GRIN2B: variants seen among roughly 807,000 people sequenced by gnomAD.
GRIN2B encodes glutamate ionotropic receptor NMDA type subunit 2B.
Under a neutral mutation model 114.5 loss-of-function variants are expected in GRIN2B, and 5 were observed. The ratio of observed to expected loss-of-function variants is 0.04; its 90% CI spans 0.02 to 0.09. The LOEUF is 0.09. Ranked by LOEUF, GRIN2B falls within the 10% of genes least tolerant of loss-of-function variation. The pLI is 1.00. For missense variants in GRIN2B, 1,108 were observed against 1,943.5 expected, an observed-to-expected ratio of 0.57 and a Z score of 8.08; for synonymous variants, 787 against 745.1, an observed-to-expected ratio of 1.06 and a Z score of -0.92.
At chr12:13,794,200 T>A (rs1591734968) in intron 3 of GRIN2B, among the ~76,000 whole-genome samples, 1 of 113,238 alleles carries the variant, frequency 8.8e-6, no homozygotes, top group African/African-American at 3.6e-5. Context: ...AGTGTGAGAC[T>A]CTGTCTCAAA....
chr12:13,575,522 G>A (rs1948763033), intron 10 of GRIN2B, among the ~76,000 whole-genome samples: 1 of 151,972 alleles, frequency 6.6e-6, no homozygotes, highest in South Asian at 2.1e-4. Context: ...AGCCGTGCGT[G>A]GTGGCATGCG....
chr12:13,745,423 G>A (rs1376073828), intron 4 of GRIN2B, among the ~76,000 whole-genome samples: 1 of 152,154 alleles, frequency 6.6e-6, no homozygotes, highest in African/African-American at 2.4e-5. Flanking sequence ...AGAGCCTTGG[G>A]GACGCTGGCA....
chr12:13,597,916 G>A (rs1450107759), intron 10 of GRIN2B, among the ~76,000 whole-genome samples: 3 of 152,156 alleles, frequency 2.0e-5, no homozygotes, highest in African/African-American at 7.2e-5. Flanking sequence ...AAATAGGCAG[G>A]TTTGGCCCCA....
At chr12:13,840,817 T>C (rs910166128) in intron 3 of GRIN2B, among the ~76,000 whole-genome samples, 4 of 146,054 alleles carry the variant, frequency 2.7e-5, no homozygotes, top group South Asian at 4.1e-4. Context: ...GTGGTGATGG[T>C]GGTGGTGTTC....
At chr12:13,759,616 C>T (rs770213402) in intron 3 of GRIN2B, among the ~76,000 whole-genome samples, 7 of 152,166 alleles carry the variant, frequency 4.6e-5, no homozygotes, top group East Asian at 1.9e-4. Flanking sequence ...ATATTGACAA[C>T]GCCAATGTCC....
intron 4 of GRIN2B, among the ~76,000 whole-genome samples, chr12:13,737,820 T>A (rs1045669907): frequency 9.2e-5 from 14 of 152,256 alleles, no homozygotes; most frequent in African/African-American, 3.1e-4. Context: ...AATAAGCATT[T>A]CTTTCTCCTC....
intron 2 of GRIN2B, among the ~76,000 whole-genome samples, chr12:13,897,279 C>A (rs1473250037): frequency 6.6e-6 from 1 of 152,168 alleles, no homozygotes; most frequent in Admixed American, 6.5e-5. Flanking sequence ...AGCCCCACTG[C>A]AGCACCTGTC....
At chr12:13,892,925 T>C (rs560210218) in intron 2 of GRIN2B, among the ~76,000 whole-genome samples, 1 of 152,304 alleles carries the variant, frequency 6.6e-6, no homozygotes, top group South Asian at 2.1e-4. Context: ...GAACATTCTC[T>C]TTCATGGAAC....
rs1555102646 is a variant in GRIN2B at position 13,564,625 on chromosome 12, G to A, written c.2613C>T (p.Cys871=). ...GCTCCTCGATCGCCACCCCATGGAT[G>A]CAGCTGTAGATACCCTGAAGCAAGA... ...VFSISRGIYS[C]IHGVAIEERQ... Residue 871 remains cysteine, a synonymous_variant, in exon 14 of 14, where the codon TGC becomes TGT. Coordinates refer to ENST00000609686, the MANE Select transcript of GRIN2B (RefSeq NM_000834.5). The surrounding 1 kb of genome is among the most constrained non-coding windows in gnomAD (Gnocchi z 4.8). 2 of 1,613,820 alleles carry A rather than the reference G, an allele frequency of 1.2e-6. No individual in the cohort carries two copies. Among genetic ancestry groups the A allele is most frequent in the African/African-American group, 2.7e-5 (2 of 75,050 alleles).
chr12:13,946,049 G>C (rs1462132218), intron 2 of GRIN2B, among the ~76,000 whole-genome samples: 1 of 152,170 alleles, frequency 6.6e-6, no homozygotes. Flanking sequence ...GAGATAATGA[G>C]TGAAAATATT....
At chr12:13,789,537 T>C (rs975829289) in intron 3 of GRIN2B, among the ~76,000 whole-genome samples, 3 of 152,140 alleles carry the variant, frequency 2.0e-5, no homozygotes, top group African/African-American at 7.2e-5. Flanking sequence ...CAGTCCAAGA[T>C]CAGTTTTTTT....
intron 2 of GRIN2B, among the ~76,000 whole-genome samples, chr12:13,952,179 A>G (rs1867495610): frequency 1.3e-5 from 2 of 152,164 alleles, no homozygotes; most frequent in African/African-American, 2.4e-5. Flanking sequence ...AGGTGCCCAC[A>G]CGGAATGTGT....
intron 4 of GRIN2B, among the ~76,000 whole-genome samples, chr12:13,750,419 A>G (rs1287964370): frequency 6.6e-6 from 1 of 152,190 alleles, no homozygotes; most frequent in Non-Finnish European, 1.5e-5. Flanking sequence ...AAATAATAAT[A>G]TCTGCAGATC....
In GRIN2B at chr12:13,922,155, G is replaced by A. The variant is rs1034426393; in HGVS notation, c.-18-55929C>T. Among the ~76,000 whole-genome samples, 9 of 152,132 alleles carry A rather than the reference G, an allele frequency of 5.9e-5. 1 individual carries two copies. Among genetic ancestry groups the A allele is most frequent in the African/African-American group, 1.9e-4 (8 of 41,412 alleles). On this transcript the variant is annotated intron_variant, in intron 2 of 13. Coordinates refer to ENST00000609686, the MANE Select transcript of GRIN2B (RefSeq NM_000834.5). Reference sequence around the variant, plus strand: ...CATTATCAATTTTTACTGGATTTGAGTAGTGTAAAATATGCTTAGGTTAAA... The same window carrying A: ...CATTATCAATTTTTACTGGATTTGAATAGTGTAAAATATGCTTAGGTTAAA...
At chr12:13,770,954 A>G (rs181043780) in intron 3 of GRIN2B, among the ~76,000 whole-genome samples, 185 of 152,244 alleles carry the variant, frequency 1.2e-3, no homozygotes, top group African/African-American at 4.3e-3. Flanking sequence ...GATTTCGACA[A>G]CTGGTTTCTG....
At chr12:13,682,968 C>G (rs1051238588) in intron 4 of GRIN2B, among the ~76,000 whole-genome samples, 10 of 152,132 alleles carry the variant, frequency 6.6e-5, no homozygotes, top group Non-Finnish European at 1.2e-4. Context: ...AGAACATTAA[C>G]CTCCCTCCAG....
intron 5 of GRIN2B, among the ~76,000 whole-genome samples, chr12:13,622,768 C>G (rs1346074646): frequency 6.6e-6 from 1 of 152,144 alleles, no homozygotes; most frequent in African/African-American, 2.4e-5. Flanking sequence ...GCCAAGCTCA[C>G]TTTTATAACA....
At chr12:13,724,491 G>T (rs149028268) in intron 4 of GRIN2B, among the ~76,000 whole-genome samples, 272 of 152,196 alleles carry the variant, frequency 1.8e-3, no homozygotes, top group African/African-American at 6.4e-3. Context: ...ATACTCCTGG[G>T]TTGATGGCCT....
chr12:13,925,650 G>A (rs1179544969), intron 2 of GRIN2B, among the ~76,000 whole-genome samples: 3 of 151,806 alleles, frequency 2.0e-5, no homozygotes, highest in Admixed American at 2.0e-4. Context: ...GAAACACCCC[G>A]CACTTCCCTA....
Sources: allele counts gnomAD v4.1 joint callset (sites outside exome capture counted in the v4.1 genomes callset), GRCh38; gene constraint gnomAD v4.1.1; non-coding constraint Gnocchi (gnomAD v3.1); transcripts MANE v1.5; gene names NCBI Gene and HGNC (gene_info 2026-07-23, HGNC 2026-07-21).